TMPRSS11D: variants seen among roughly 807,000 people sequenced by gnomAD.
TMPRSS11D encodes transmembrane serine protease 11D, also known as transmembrane protease serine 11D.
In TMPRSS11D, 32 loss-of-function variants were observed where a neutral mutation model predicts 44.4. That is an observed-to-expected ratio of 0.72 (90% CI 0.54 to 0.97). The LOEUF (loss-of-function observed/expected upper bound fraction) is 0.97, where lower values mean the gene tolerates loss of function less well. Among genes scored for constraint, TMPRSS11D ranks in the 50% least tolerant of loss-of-function variants. The pLI, the probability that TMPRSS11D is intolerant of heterozygous loss-of-function variation, is 0.00. For missense variants in TMPRSS11D, 446 were observed against 502.6 expected (o/e 0.89, Z 1.08); for synonymous variants, 179 against 177.9 (o/e 1.01, Z -0.05).
At chr4:67,825,064 A>T (rs1191007670) in intron 9 of TMPRSS11D, among the ~76,000 whole-genome samples, 2 of 152,068 alleles carry the variant, frequency 1.3e-5, no homozygotes, top group Non-Finnish European at 2.9e-5. Flanking sequence ...TATGGGCTAG[A>T]TCCAAATATA....
At chr4:67,853,996 T>G in intron 3 of TMPRSS11D, 72 bp downstream of exon 3, 2 of 910,452 alleles carry the variant, frequency 2.2e-6, no homozygotes, top group Non-Finnish European at 3.3e-6. Context: ...TGAAAATATA[T>G]TACAAAACAT....
At chr4:67,826,263 A>T (rs1473465485) in intron 8 of TMPRSS11D, among the ~76,000 whole-genome samples, 1 of 152,116 alleles carries the variant, frequency 6.6e-6, no homozygotes. Flanking sequence ...CTAAAGAACT[A>T]GTCTATTTTA....
intron 3 of TMPRSS11D, among the ~76,000 whole-genome samples, chr4:67,844,467 G>A (rs10031870): frequency 0.71 from 107,927 of 152,032 alleles, 40,801 homozygotes; most frequent in Middle Eastern, 0.84. Context: ...ATACTAGTAA[G>A]TATTAAGAAG....
intron 4 of TMPRSS11D, 125 bp from the exon 5 acceptor site, chr4:67,838,454 C>G: frequency 1.1e-6 from 1 of 902,448 alleles, no homozygotes; most frequent in Admixed American, 3.6e-5. Flanking sequence ...TTAGACAGAT[C>G]TCTGTAACAG....
chr4:67,860,030 T>G (rs957161263), intron 1 of TMPRSS11D, among the ~76,000 whole-genome samples: 2 of 152,162 alleles, frequency 1.3e-5, no homozygotes, highest in Non-Finnish European at 1.5e-5. Context: ...AATTCTATGC[T>G]GGACATTACT....
chr4:67,854,982 T>C (rs1165868692), intron 2 of TMPRSS11D, among the ~76,000 whole-genome samples: 1 of 145,232 alleles, frequency 6.9e-6, no homozygotes, highest in African/African-American at 2.5e-5. Context: ...ACAGGCCGGG[T>C]GCAGTGGCTC....
At chr4:67,843,520 C>T (rs915513986) in intron 3 of TMPRSS11D, among the ~76,000 whole-genome samples, 1 of 152,058 alleles carries the variant, frequency 6.6e-6, no homozygotes, top group Non-Finnish European at 1.5e-5. Context: ...GTATGTACAC[C>T]TATTATGTAC....
intron 8 of TMPRSS11D, 103 bp downstream of exon 8, chr4:67,827,158 G>C (rs1717814589): frequency 7.0e-7 from 1 of 1,434,526 alleles, no homozygotes; most frequent in African/African-American, 1.4e-5. Flanking sequence ...TCTGTCTGTA[G>C]AAGAATAGAA....
intron 1 of TMPRSS11D, 145 bp from the exon 2 acceptor site, chr4:67,859,823 T>C (rs752797388): frequency 2.1e-5 from 24 of 1,157,180 alleles, no homozygotes; most frequent in Non-Finnish European, 2.7e-5. Context: ...GATATGAAAC[T>C]GAACTTAACA....
chr4:67,881,703 G>T (rs944106961), intron 1 of TMPRSS11D, among the ~76,000 whole-genome samples: 1 of 152,080 alleles, frequency 6.6e-6, no homozygotes, highest in Non-Finnish European at 1.5e-5. Flanking sequence ...GCCAACTTTT[G>T]TCTCAGGTTC....
At chr4:67,836,301 T>A (rs1174871932) in intron 5 of TMPRSS11D, among the ~76,000 whole-genome samples, 5 of 152,236 alleles carry the variant, frequency 3.3e-5, no homozygotes, top group East Asian at 1.9e-4. Flanking sequence ...CTGATCTTTT[T>A]AAAAAAATGT....
chr4:67,868,407 G>T (rs1718975295), intron 1 of TMPRSS11D, among the ~76,000 whole-genome samples: 1 of 152,112 alleles, frequency 6.6e-6, no homozygotes, highest in African/African-American at 2.4e-5. Flanking sequence ...ATACCTCCAT[G>T]TAACAAAACT....
At chr4:67,868,665 T>G (rs1011780299) in intron 1 of TMPRSS11D, among the ~76,000 whole-genome samples, 16 of 152,150 alleles carry the variant, frequency 1.1e-4, no homozygotes, top group African/African-American at 3.6e-4. Flanking sequence ...ATAAGTCTGG[T>G]CAAGATTATA....
At position 67,878,236 on chromosome 4, in the gene TMPRSS11D, T is replaced by C. The variant is rs151269475; in HGVS notation, c.8+5690A>G. Among the ~76,000 whole-genome samples the C allele has an allele frequency of 4.6e-5, 7 of 152,358 alleles. No homozygotes were observed. In the East Asian group the frequency reaches 1.3e-3, roughly 29 times the overall value. On this transcript the variant is annotated intron_variant, in intron 1 of 9. Transcript: ENST00000283916. ...TTCTAGACTGGTTTAGTTTTCACTA[T>C]TATAATACTTATTTCAGTGTCATCG...
rs750114013 is a variant in TMPRSS11D, at chr4:67,859,677, G to T, written c.10C>A (p.Pro4Thr). The T allele has an allele frequency of 6.2e-7, 1 of 1,612,564 alleles. No homozygotes were observed. The highest frequency in any genetic ancestry group is 8.5e-7 in the Non-Finnish European group (1 of 1,178,966). Reference protein sequence around the residue: MYRPARVTSTSRFL... With the variant: MYRTARVTSTSRFL... ...CTTGAAGTCGAAGTTACACGTGCTG[G>T]CCTTACAAGAGAGAGAGATCAAAGA... The change falls in exon 2 of 10, where the codon CCA becomes ACA. Residue 4 changes from proline (P) to threonine (T), a missense_variant and splice_region_variant. By Grantham distance (38) the Pro-to-Thr change is conservative. Coordinates refer to ENST00000283916, the MANE Select transcript of TMPRSS11D (RefSeq NM_004262.3).
At chr4:67,882,848 TAC>T (rs1719351918) in intron 1 of TMPRSS11D, among the ~76,000 whole-genome samples, 1 of 150,688 alleles carries the variant, frequency 6.6e-6, no homozygotes, top group Non-Finnish European at 1.5e-5. Context: ...GATGAGTAAA[TAC>T]AATTTTGTGA....
At chr4:67,833,131 A>C in intron 7 of TMPRSS11D, 73 bp downstream of exon 7, 4 of 1,255,374 alleles carry the variant, frequency 3.2e-6, no homozygotes, top group Non-Finnish European at 4.1e-6. Context: ...ATTCAATCCT[A>C]GGGTAGAGGG....
intron 1 of TMPRSS11D, among the ~76,000 whole-genome samples, chr4:67,877,802 A>C (rs186594304): frequency 4.1e-4 from 63 of 152,254 alleles, no homozygotes; most frequent in African/African-American, 1.4e-3. Context: ...AAGTCCCACC[A>C]CTTTATCCAA....
intron 1 of TMPRSS11D, among the ~76,000 whole-genome samples, chr4:67,883,109 G>T (rs1156910810): frequency 6.6e-6 from 1 of 151,842 alleles, no homozygotes; most frequent in Non-Finnish European, 1.5e-5. Context: ...ATGTTCAGGA[G>T]ATTTAAAATA....
Sources: gnomAD v4.1 joint callset for allele counts (sites outside exome capture counted in the v4.1 genomes callset) on GRCh38, gnomAD v4.1.1 for gene constraint, MANE v1.5 for transcripts, NCBI Gene and HGNC (gene_info 2026-07-23, HGNC 2026-07-21) for gene names.